Variants in ATP9A observed in about 807,000 individuals in gnomAD.
ATP9A encodes ATPase phospholipid transporting 9A.
Under a neutral mutation model 144.1 loss-of-function variants are expected in ATP9A, and 52 were observed. The observed-to-expected ratio is 0.36, with a 90% CI of 0.29 to 0.45. The LOEUF is 0.45. ATP9A is among the 20% of genes least tolerant of loss of function. The pLI is 1.00. For synonymous variants in ATP9A, 582 were observed against 557.4 expected, an observed-to-expected ratio of 1.04 and a Z score of -0.62; for missense variants, 947 against 1,392.7, an observed-to-expected ratio of 0.68 and a Z score of 5.09.
chr20:51,675,191 T>C (rs1279850744), intron 10 of ATP9A, among the ~76,000 whole-genome samples: 1 of 152,150 alleles, frequency 6.6e-6, no homozygotes, highest in Non-Finnish European at 1.5e-5. Context: ...ATCCATAACT[T>C]CATAGAAACA....
At chr20:51,641,119 G>A (rs1164488527) in intron 14 of ATP9A, among the ~76,000 whole-genome samples, 1 of 152,108 alleles carries the variant, frequency 6.6e-6, no homozygotes. Context: ...AGAACTTTGG[G>A]AGGCTGAGGC....
At chr20:51,669,945 TAA>T in intron 13 of ATP9A, 50 bp downstream of exon 13, 8 of 1,032,460 alleles carry the variant, frequency 7.7e-6, no homozygotes, top group Admixed American at 2.0e-5. Context: ...ATATAGCTGT[TAA>T]AAAAAAAAAG....
At chr20:51,760,976 C>G (rs924447864) in intron 1 of ATP9A, among the ~76,000 whole-genome samples, 1 of 151,940 alleles carries the variant, frequency 6.6e-6, no homozygotes, top group African/African-American at 2.4e-5. Flanking sequence ...TGCAGTGAGC[C>G]GAGACTGCGC....
At chr20:51,642,725 CCAAAAAAA>C (rs1458160240) in intron 14 of ATP9A, among the ~76,000 whole-genome samples, 7 of 65,574 alleles carry the variant, frequency 1.1e-4, no homozygotes, top group East Asian at 4.7e-4. Context: ...GACTCTGTCT[CCAAAAAAA>C]AAAAAAAAAA....
intron 1 of ATP9A, chr20:51,732,511 T>C (rs1568840704): frequency 6.6e-6 from 1 of 152,224 alleles, no homozygotes; most frequent in Non-Finnish European, 1.5e-5. Context: ...GCCAGCAGGC[T>C]GCCTGCTCAG....
intron 26 of ATP9A, 49 bp from the exon 27 acceptor site, chr20:51,605,069 G>C: frequency 6.8e-7 from 1 of 1,477,956 alleles, no homozygotes. Context: ...TGCGAAAGCC[G>C]TGCGCTGCTC....
At chr20:51,716,945 G>A (rs927134311) in intron 3 of ATP9A, among the ~76,000 whole-genome samples, 12 of 152,194 alleles carry the variant, frequency 7.9e-5, no homozygotes, top group Middle Eastern at 3.4e-3. Flanking sequence ...AGGCCGAGGT[G>A]GGCGGATCAC....
chr20:51,610,175 GGA>G lies in ATP9A; in HGVS notation c.2572-12_2572-11del. 6.3e-7 allele frequency: 1 copy of G among 1,599,240 alleles called. No individual in the cohort carries two copies. Among genetic ancestry groups the G allele is most frequent in the Non-Finnish European group, 8.6e-7 (1 of 1,166,528 alleles). On this transcript the variant is annotated splice_polypyrimidine_tract_variant and intron_variant, in intron 23 of 27. Transcript: ENST00000338821. Reference sequence around the variant, plus strand: ...CGGAGGAAAAGACAGCCTGTGCCAAGGAGAGAGGAGGATGTCACCAAAAGTCA... The same window carrying G: ...CGGAGGAAAAGACAGCCTGTGCCAAGGAGAGGAGGATGTCACCAAAAGTCA...
intron 1 of ATP9A, among the ~76,000 whole-genome samples, chr20:51,741,121 T>C (rs1446219757): frequency 4.6e-5 from 7 of 150,702 alleles, no homozygotes; most frequent in African/African-American, 1.7e-4. Context: ...CATAGCTACA[T>C]GTGACCACTA....
chr20:51,674,349 G>A (rs940141586), intron 10 of ATP9A, 36 bp from the exon 11 acceptor site: 1 of 1,606,820 alleles, frequency 6.2e-7, no homozygotes, highest in Non-Finnish European at 8.5e-7. Context: ...CTTGAGATGA[G>A]CTGGTGTAAC....
intron 1 of ATP9A, among the ~76,000 whole-genome samples, chr20:51,760,010 G>C (rs751339118): frequency 2.0e-5 from 3 of 152,110 alleles, no homozygotes; most frequent in Non-Finnish European, 2.9e-5. Context: ...TCTCATTGCA[G>C]CTCTCACACT....
intron 15 of ATP9A, among the ~76,000 whole-genome samples, chr20:51,632,337 C>A (rs553849820): frequency 5.9e-5 from 9 of 152,210 alleles, no homozygotes; most frequent in Non-Finnish European, 1.0e-4. Flanking sequence ...CTGCCTTGGC[C>A]TCCCAAAGTA....
At chr20:51,701,548 CCT>C (rs2077593160) in intron 4 of ATP9A, among the ~76,000 whole-genome samples, 2 of 152,296 alleles carry the variant, frequency 1.3e-5, no homozygotes, top group African/African-American at 4.8e-5. Flanking sequence ...CCCCTTTAAT[CCT>C]CTGTGTTTGC....
At chr20:51,640,525 G>A (rs919384235) in intron 14 of ATP9A, among the ~76,000 whole-genome samples, 7 of 152,214 alleles carry the variant, frequency 4.6e-5, no homozygotes, top group African/African-American at 1.7e-4. Context: ...TAATGAAGTT[G>A]CCCAAGGTGA....
At chr20:51,710,525 C>A (rs895619625) in intron 4 of ATP9A, among the ~76,000 whole-genome samples, 2 of 152,188 alleles carry the variant, frequency 1.3e-5, no homozygotes, top group African/African-American at 4.8e-5. Flanking sequence ...CTGGCCCTCC[C>A]CCCAAAAGCG....
intron 14 of ATP9A, among the ~76,000 whole-genome samples, chr20:51,644,027 C>A (rs1242099176): frequency 1.3e-5 from 2 of 151,888 alleles, no homozygotes; most frequent in East Asian, 1.9e-4. Context: ...CCCAGCTACT[C>A]GGGAGTCTAA....
chr20:51,632,351 C>T (rs1043474052), intron 15 of ATP9A, among the ~76,000 whole-genome samples: 3 of 152,204 alleles, frequency 2.0e-5, no homozygotes, highest in Non-Finnish European at 4.4e-5. Flanking sequence ...CAAAGTATTA[C>T]AGGCAGGAGC....
At chr20:51,710,887 G>A (rs1233940040) in intron 4 of ATP9A, among the ~76,000 whole-genome samples, 1 of 152,158 alleles carries the variant, frequency 6.6e-6, no homozygotes, top group Non-Finnish European at 1.5e-5. Flanking sequence ...GAGGGTCGAA[G>A]CCCGGATGGA....
chr20:51,617,023 C>T lies in ATP9A; in HGVS notation c.2415+467G>A, dbSNP rs186178567. The stretch of plus-strand genomic sequence containing the variant: ...GTGGCGCAATCTCGGCTTACTGCAA[C>T]CTCTGCCTCCCGGGTTCAGGCGATT... On this transcript the variant is annotated intron_variant, in intron 22 of 27. Transcript: ENST00000338821. Among the ~76,000 whole-genome samples the T allele has an allele frequency of 1.5e-3, 221 of 150,732 alleles. 2 individuals are homozygous for T. The highest frequency in any genetic ancestry group is 2.8e-4 in the Non-Finnish European group (19 of 67,850).
Sources: gnomAD v4.1 joint callset for allele counts (sites outside exome capture counted in the v4.1 genomes callset) on GRCh38, gnomAD v4.1.1 for gene constraint, MANE v1.5 for transcripts, NCBI Gene and HGNC (gene_info 2026-07-23, HGNC 2026-07-21) for gene names.